Variants in PLEKHG1 observed in about 807,000 individuals in gnomAD.
The protein encoded by PLEKHG1 is pleckstrin homology and RhoGEF domain containing G1.
PLEKHG1 carries 44 observed loss-of-function variants against 100.8 expected under a neutral mutation model. The ratio of observed to expected loss-of-function variants is 0.44; its 90% CI spans 0.34 to 0.56. The LOEUF is 0.56. Ranked by LOEUF, PLEKHG1 falls within the 20% of genes least tolerant of loss-of-function variation. The pLI is 0.01. For synonymous variants in PLEKHG1, 640 were observed against 662.5 expected, an observed-to-expected ratio of 0.97 and a Z score of 0.52; for missense variants, 1,545 against 1,720.9, an observed-to-expected ratio of 0.90 and a Z score of 1.81.
intron 3 of PLEKHG1, among the ~76,000 whole-genome samples, chr6:150,685,504 C>T (rs1447282183): frequency 1.3e-5 from 2 of 152,166 alleles, no homozygotes; most frequent in Non-Finnish European, 2.9e-5. Context: ...AGGGCTGCCC[C>T]TCTGAGATGG....
At chr6:150,679,504 A>G (rs1328559476) in intron 3 of PLEKHG1, among the ~76,000 whole-genome samples, 1 of 152,246 alleles carries the variant, frequency 6.6e-6, no homozygotes, top group Non-Finnish European at 1.5e-5. Context: ...GAATGAGTTC[A>G]TAATTACAGG....
chr6:150,619,561 G>A (rs1413097408), intron 1 of PLEKHG1, among the ~76,000 whole-genome samples: 1 of 152,110 alleles, frequency 6.6e-6, no homozygotes, highest in African/African-American at 2.4e-5. Flanking sequence ...CTTTATTCCT[G>A]ATACCCACTG....
intron 7 of PLEKHG1, among the ~76,000 whole-genome samples, chr6:150,806,269 TA>T (rs1787094437): frequency 7.2e-6 from 1 of 138,056 alleles, no homozygotes; most frequent in Non-Finnish European, 1.5e-5. Context: ...AAAAGTTTAA[TA>T]CTTTATCATA....
chr6:150,721,391 G>A (rs6557089), intron 1 of PLEKHG1, among the ~76,000 whole-genome samples: 112,017 of 151,752 alleles, frequency 0.74, 41,858 homozygotes, highest in Non-Finnish European at 0.8. Flanking sequence ...ACTGAAGTCT[G>A]GAAGATGATT....
chr6:150,701,432 T>TA, intron 3 of PLEKHG1, among the ~76,000 whole-genome samples: 1 of 81,558 alleles, frequency 1.2e-5, no homozygotes, highest in East Asian at 3.2e-4. Context: ...TATATATATA[T>TA]ATATATATAT....
chr6:150,766,458 T>C (rs1486039644), intron 2 of PLEKHG1, among the ~76,000 whole-genome samples: 1 of 152,232 alleles, frequency 6.6e-6, no homozygotes, highest in Non-Finnish European at 1.5e-5. Flanking sequence ...GCTGCCTTAG[T>C]TTTCAGGAGC....
intron 2 of PLEKHG1, among the ~76,000 whole-genome samples, chr6:150,650,219 C>T (rs1485022211): frequency 2.0e-5 from 3 of 152,108 alleles, no homozygotes; most frequent in Non-Finnish European, 4.4e-5. Flanking sequence ...TGGCTGTGGC[C>T]TTAGGCAATT....
At chr6:150,760,162 G>A (rs1333094086) in intron 2 of PLEKHG1, among the ~76,000 whole-genome samples, 2 of 152,022 alleles carry the variant, frequency 1.3e-5, no homozygotes, top group Non-Finnish European at 2.9e-5. Context: ...AATTACACCA[G>A]TAGTCCTCTG....
rs1258328406 is a variant in PLEKHG1 at position 150,703,516 on chromosome 6, G to A, written c.-98-30068G>A. ...CTCGTGAGGCTGAGGCAGGAGAATCGCTTGAATCCAGGAAGTGGAGGTTAC... is the reference window on the plus strand; with the variant it reads ...CTCGTGAGGCTGAGGCAGGAGAATCACTTGAATCCAGGAAGTGGAGGTTAC... On this transcript the variant is annotated intron_variant, in intron 3 of 3. Transcript: ENST00000367326. Among the ~76,000 whole-genome samples the A allele has an allele frequency of 2.6e-5, 4 of 151,188 alleles. No homozygotes were observed. In the East Asian group the frequency reaches 5.9e-4, roughly 22 times the overall value.
chr6:150,793,774 T>C (rs1786138924), intron 4 of PLEKHG1, among the ~76,000 whole-genome samples: 1 of 152,152 alleles, frequency 6.6e-6, no homozygotes, highest in Non-Finnish European at 1.5e-5. Flanking sequence ...ACGAGTATAA[T>C]GGACAGGGCA....
chr6:150,712,211 C>G (rs1048196539), intron 3 of PLEKHG1, among the ~76,000 whole-genome samples: 2 of 152,110 alleles, frequency 1.3e-5, no homozygotes, highest in African/African-American at 4.8e-5. Flanking sequence ...AGGAGCTGCC[C>G]CAAATCAATG....
At chr6:150,610,972 G>A (rs548310593) in intron 1 of PLEKHG1, among the ~76,000 whole-genome samples, 3 of 152,172 alleles carry the variant, frequency 2.0e-5, no homozygotes, top group Non-Finnish European at 4.4e-5. Flanking sequence ...TTTCCAAATA[G>A]GATATCAGCC....
intron 1 of PLEKHG1, among the ~76,000 whole-genome samples, chr6:150,628,006 T>C (rs1388357528): frequency 6.6e-6 from 1 of 152,244 alleles, no homozygotes; most frequent in Non-Finnish European, 1.5e-5. Flanking sequence ...TAATATTTAT[T>C]TAAATGATAT....
chr6:150,620,411 G>A lies in PLEKHG1; in HGVS notation c.-203-17669G>A, dbSNP rs115477496. ...GCCAGACCTAGTGGGTCTTGATCAG[G>A]GAAGAGATTGCTGCTGCAACCTGGC... On this transcript the variant is annotated intron_variant, in intron 1 of 3. Transcript: ENST00000367326. Among the ~76,000 whole-genome samples the A allele has an allele frequency of 3.4e-3, 512 of 152,278 alleles. 4 individuals carry two copies. Among genetic ancestry groups the A allele is most frequent in the African/African-American group, 0.012 (497 of 41,566 alleles).
At chr6:150,672,116 A>G (rs986007071) in intron 3 of PLEKHG1, among the ~76,000 whole-genome samples, 2 of 152,128 alleles carry the variant, frequency 1.3e-5, no homozygotes, top group African/African-American at 4.8e-5. Context: ...ATAATAGAGA[A>G]GTTATTCTCC....
At chr6:150,763,505 G>T (rs192166892) in intron 2 of PLEKHG1, among the ~76,000 whole-genome samples, 2 of 152,138 alleles carry the variant, frequency 1.3e-5, no homozygotes, top group African/African-American at 2.4e-5. Flanking sequence ...CCAAAAGTAG[G>T]CCTGTCTCCT....
intron 3 of PLEKHG1, among the ~76,000 whole-genome samples, chr6:150,769,584 CAA>C (rs5880898): frequency 6.2e-5 from 4 of 64,324 alleles, no homozygotes; most frequent in Non-Finnish European, 6.8e-5. Flanking sequence ...GACTCCATCT[CAA>C]AAAAAAAAAA....
At chr6:150,655,735 A>AAG (rs1778943819) in intron 3 of PLEKHG1, among the ~76,000 whole-genome samples, 1 of 151,116 alleles carries the variant, frequency 6.6e-6, no homozygotes, top group Non-Finnish European at 1.5e-5. Flanking sequence ...AAAAAAGAAA[A>AAG]TGTGACAAAT....
chr6:150,739,575 G>A (rs1003158702), intron 2 of PLEKHG1, among the ~76,000 whole-genome samples: 1 of 152,086 alleles, frequency 6.6e-6, no homozygotes, highest in Non-Finnish European at 1.5e-5. Flanking sequence ...GGCTGAGGCA[G>A]GAGAATGGCT....
Sources: allele counts gnomAD v4.1 joint callset (sites outside exome capture counted in the v4.1 genomes callset), GRCh38; gene constraint gnomAD v4.1.1; transcripts MANE v1.5; gene names NCBI Gene and HGNC (gene_info 2026-07-23, HGNC 2026-07-21).